Variants in BCHE observed in about 807,000 individuals in gnomAD.
BCHE encodes the protein butyrylcholinesterase, also known as cholinesterase.
A neutral mutation model predicts 51.3 loss-of-function variants in BCHE; 48 were observed. The ratio of observed to expected loss-of-function variants is 0.94; its 90% CI spans 0.74 to 1.19. The LOEUF is 1.19. Among genes scored for constraint, BCHE ranks in the 50% most tolerant of loss-of-function variants. The pLI is 0.00. For missense variants in BCHE, 847 were observed against 708.2 expected, an observed-to-expected ratio of 1.20 and a Z score of -2.23; for synonymous variants, 251 against 238.0, an observed-to-expected ratio of 1.05 and a Z score of -0.50.
intron 3 of BCHE, among the ~76,000 whole-genome samples, chr3:165,779,401 G>C (rs114295700): frequency 0.081 from 12,322 of 152,080 alleles, 780 homozygotes; most frequent in African/African-American, 0.18. Flanking sequence ...ATTCAACATA[G>C]TATTGGGAGT....
At chr3:165,795,124 C>T (rs1023569997) in intron 2 of BCHE, among the ~76,000 whole-genome samples, 4 of 152,098 alleles carry the variant, frequency 2.6e-5, no homozygotes, top group Non-Finnish European at 5.9e-5. Flanking sequence ...AAAAGAAACT[C>T]ACATTTTCTC....
intron 2 of BCHE, among the ~76,000 whole-genome samples, chr3:165,799,457 C>T (rs757329323): frequency 8.9e-4 from 136 of 151,970 alleles, no homozygotes; most frequent in Admixed American, 2.0e-3. Context: ...TTTAGTGAAG[C>T]TAAAATTTTA....
chr3:165,822,398 G>T (rs1179696739), intron 2 of BCHE, among the ~76,000 whole-genome samples: 1 of 152,110 alleles, frequency 6.6e-6, no homozygotes, highest in African/African-American at 2.4e-5. Context: ...GCATGAGGAA[G>T]AACTGACTTT....
intron 2 of BCHE, among the ~76,000 whole-genome samples, chr3:165,802,335 T>C (rs1713684129): frequency 6.6e-6 from 1 of 152,194 alleles, no homozygotes; most frequent in South Asian, 2.1e-4. Context: ...ATTTAGATTT[T>C]ATTCAAGATA....
intron 2 of BCHE, among the ~76,000 whole-genome samples, chr3:165,793,071 CT>C (rs1437117709): frequency 6.6e-6 from 1 of 152,030 alleles, no homozygotes; most frequent in Non-Finnish European, 1.5e-5. Flanking sequence ...GTTACCTGTG[CT>C]TTTACAGTCT....
At chr3:165,806,150 T>TAAA (rs1713856746) in intron 2 of BCHE, among the ~76,000 whole-genome samples, 1 of 151,968 alleles carries the variant, frequency 6.6e-6, no homozygotes, top group African/African-American at 2.4e-5. Flanking sequence ...AAAAAAAAAG[T>TAAA]TTTCACATGG....
intron 2 of BCHE, among the ~76,000 whole-genome samples, chr3:165,802,033 G>A (rs1398523253): frequency 6.6e-6 from 1 of 152,032 alleles, no homozygotes; most frequent in Admixed American, 6.6e-5. Flanking sequence ...AATATTTTAT[G>A]TTCTGTAATT....
At chr3:165,802,343 ATAAAAT>A (rs1713684517) in intron 2 of BCHE, among the ~76,000 whole-genome samples, 1 of 152,192 alleles carries the variant, frequency 6.6e-6, no homozygotes, top group Non-Finnish European at 1.5e-5. Flanking sequence ...TTTATTCAAG[ATAAAAT>A]TAAAAAATCA....
Position 165,783,590 on chromosome 3 carries a change from G to A in BCHE, c.1684+2555C>T, listed in dbSNP as rs146867835. Among the ~76,000 whole-genome samples, 290 of 152,062 alleles carry A rather than the reference G, an allele frequency of 1.9e-3. 2 individuals are homozygous for A. Among genetic ancestry groups the A allele is most frequent in the African/African-American group, 6.8e-3 (281 of 41,518 alleles). On this transcript the variant is annotated intron_variant, in intron 3 of 3. Coordinates refer to ENST00000264381, the MANE Select transcript of BCHE (RefSeq NM_000055.4). ...GGTATTTTGGCCCTTAAATTTACAC[G>A]TGCTTTTTAGTGTTGGCAAGCATGA... is the stretch of plus-strand genomic sequence containing the variant.
intron 2 of BCHE, among the ~76,000 whole-genome samples, chr3:165,817,684 A>G (rs2108226325): frequency 6.6e-6 from 1 of 152,164 alleles, no homozygotes; most frequent in Non-Finnish European, 1.5e-5. Flanking sequence ...CCGCCTTACA[A>G]ATGATAACAC....
At chr3:165,826,162 G>GA (rs1051142267) in intron 2 of BCHE, among the ~76,000 whole-genome samples, 5 of 151,724 alleles carry the variant, frequency 3.3e-5, no homozygotes, top group South Asian at 2.1e-4. Flanking sequence ...CAAAATAAGA[G>GA]AAAAAAAACA....
At chr3:165,831,077 T>C in intron 1 of BCHE, 36 bp from the exon 2 acceptor site, 2 of 1,503,602 alleles carry the variant, frequency 1.3e-6, no homozygotes, top group Non-Finnish European at 1.8e-6. Context: ...TTATAAGCCT[T>C]CTGCATATAG....
intron 2 of BCHE, among the ~76,000 whole-genome samples, chr3:165,820,509 C>T (rs1194277500): frequency 6.6e-6 from 1 of 151,930 alleles, no homozygotes; most frequent in Non-Finnish European, 1.5e-5. Context: ...AACATTGATG[C>T]TGTTATGATA....
chr3:165,806,198 A>G (rs1713858094), intron 2 of BCHE, among the ~76,000 whole-genome samples: 2 of 152,160 alleles, frequency 1.3e-5, no homozygotes, highest in South Asian at 4.1e-4. Context: ...CTTGGTTTAC[A>G]AATGTACAGT....
intron 2 of BCHE, among the ~76,000 whole-genome samples, chr3:165,794,474 G>C (rs1713293153): frequency 6.6e-6 from 1 of 152,098 alleles, no homozygotes; most frequent in South Asian, 2.1e-4. Context: ...TCAAAATCAA[G>C]GCATTGGCAA....
At position 165,773,473 on chromosome 3, in the gene BCHE, G is replaced by T; in HGVS notation, c.1718C>A (p.Ala573Glu). The change falls in exon 4 of 4, where the codon GCA becomes GAA. Residue 573 changes from alanine to glutamate, a missense_variant. Physicochemically the swap from Ala to Glu is moderately radical, Grantham distance 107 (BLOSUM62 -1). Coordinates refer to ENST00000264381, the MANE Select transcript of BCHE (RefSeq NM_000055.4). ...NIDEAEWEWK[A>E]GFHRWNNYMM... is the part of the protein sequence containing the mutation. ...GTAATTGTTCCAGCGATGGAATCCT[G>T]CTTTCCACTCCCATTCTGCTTCATC... 1 of 1,608,360 alleles carries T rather than the reference G, an allele frequency of 6.2e-7. No individual in the cohort carries two copies. Among genetic ancestry groups the T allele is most frequent in the Non-Finnish European group, 8.5e-7 (1 of 1,175,192 alleles).
At chr3:165,834,530 GTT>G (rs1218829789) in intron 1 of BCHE, among the ~76,000 whole-genome samples, 1 of 151,746 alleles carries the variant, frequency 6.6e-6, no homozygotes, top group Non-Finnish European at 1.5e-5. Flanking sequence ...GTAGGCTAAT[GTT>G]TTTATATTTA....
intron 1 of BCHE, among the ~76,000 whole-genome samples, chr3:165,836,136 A>AAAC (rs1190300375): frequency 1.3e-5 from 2 of 151,970 alleles, no homozygotes; most frequent in Non-Finnish European, 1.5e-5. Flanking sequence ...CAATACAAAC[A>AAAC]AACAACAACA....
At chr3:165,812,470 T>C (rs940118727) in intron 2 of BCHE, among the ~76,000 whole-genome samples, 1 of 152,010 alleles carries the variant, frequency 6.6e-6, no homozygotes, top group South Asian at 2.1e-4. Context: ...AAAATGATTT[T>C]AGTATACTTT....
Sources: allele counts gnomAD v4.1 joint callset (sites outside exome capture counted in the v4.1 genomes callset), GRCh38; gene constraint gnomAD v4.1.1; transcripts MANE v1.5; gene names NCBI Gene and HGNC (gene_info 2026-07-23, HGNC 2026-07-21).